Variants in ZNF652 observed in about 807,000 individuals in gnomAD.
ZNF652 encodes zinc finger protein 652.
In ZNF652, 16 loss-of-function variants were observed where a neutral mutation model predicts 45.2. The observed-to-expected ratio is 0.35, with a 90% CI of 0.24 to 0.54. ZNF652 has a LOEUF of 0.54. ZNF652 is among the 20% of genes least tolerant of loss of function. The probability of loss-of-function intolerance (pLI) is 0.91; values close to 1 mark genes in which losing one functional copy is unlikely to be tolerated. For missense variants in ZNF652, 614 were observed against 765.6 expected, an observed-to-expected ratio of 0.80 and a Z score of 2.34; for synonymous variants, 250 against 260.6, an observed-to-expected ratio of 0.96 and a Z score of 0.39.
chr17:49,331,900 C>T (rs1457973706), intron 1 of ZNF652, among the ~76,000 whole-genome samples: 9 of 152,092 alleles, frequency 5.9e-5, no homozygotes, highest in African/African-American at 1.7e-4. Flanking sequence ...ACCAGGGAGG[C>T]GGAGCTTGCA....
chr17:49,333,864 A>G (rs2070053242), intron 1 of ZNF652, among the ~76,000 whole-genome samples: 1 of 152,168 alleles, frequency 6.6e-6, no homozygotes, highest in Non-Finnish European at 1.5e-5. Context: ...GGCTATAATA[A>G]AAAATTGGAA....
chr17:49,316,928 A>T lies in ZNF652; in HGVS notation c.798T>A (p.Val266=). Residue 266 remains valine (V), a synonymous_variant, in exon 2 of 6, where the codon GTT becomes GTA. Coordinates refer to ENST00000430262, the MANE Select transcript of ZNF652 (RefSeq NM_001145365.3). ...CACAAATCTGCATGCGCCTATGAGT[A>T]ACGTTCATGTGCTTCTCCAGGTACC... ...TRWYLEKHMN[V]THRRMQICDK... is the part of the protein sequence containing the mutation. 6.2e-7 allele frequency: 1 copy of T among 1,614,200 alleles called. No individual in the cohort carries two copies. The highest frequency in any genetic ancestry group is 8.5e-7 in the Non-Finnish European group (1 of 1,180,038).
At chr17:49,314,440 G>T (rs975835338) in intron 2 of ZNF652, among the ~76,000 whole-genome samples, 1 of 152,220 alleles carries the variant, frequency 6.6e-6, no homozygotes, top group Middle Eastern at 3.4e-3. Flanking sequence ...GATTACAGGT[G>T]TGAGCTACTG....
At chr17:49,339,795 C>T (rs1227647667) in intron 1 of ZNF652, among the ~76,000 whole-genome samples, 7 of 152,212 alleles carry the variant, frequency 4.6e-5, no homozygotes, top group African/African-American at 1.7e-4. Context: ...TTGTTCCTGC[C>T]ACACGACCAA....
At chr17:49,354,047 A>T (rs974593883) in intron 1 of ZNF652, among the ~76,000 whole-genome samples, 1 of 152,240 alleles carries the variant, frequency 6.6e-6, no homozygotes, top group African/African-American at 2.4e-5. Context: ...ATAATACCTG[A>T]CAAATTATAA....
Position 49,317,583 on chromosome 17 carries a change from G to C in ZNF652, c.143C>G (p.Thr48Ser), listed in dbSNP as rs945099268. 19 of 1,613,984 alleles carry C rather than the reference G, an allele frequency of 1.2e-5. No homozygotes were observed. Among genetic ancestry groups the C allele is most frequent in the African/African-American group, 4.0e-5 (3 of 74,884 alleles). ...TCCTGATTCCCTTTTGTACACTTTGGTGGACAGGTCAAGTTCTTGGTTGGC... is the reference window on the plus strand; with the variant it reads ...TCCTGATTCCCTTTTGTACACTTTGCTGGACAGGTCAAGTTCTTGGTTGGC... ...HGANQELDLS[T>S]KVYKRESGSP... Residue 48 changes from threonine to serine, a missense_variant, in exon 2 of 6, where the codon ACC becomes AGC. Coordinates refer to ENST00000430262, the MANE Select transcript of ZNF652 (RefSeq NM_001145365.3).
chr17:49,343,827 C>T (rs576536441), intron 1 of ZNF652, among the ~76,000 whole-genome samples: 37 of 151,862 alleles, frequency 2.4e-4, no homozygotes, highest in Middle Eastern at 3.4e-3. Context: ...GGCCAAAGTG[C>T]GAGGATTGCT....
In ZNF652 at chr17:49,317,115, G is replaced by C. The variant is rs200216032; in HGVS notation, c.611C>G (p.Ser204Cys). 1.2e-6 allele frequency: 2 copies of C among 1,613,990 alleles called. No individual in the cohort carries two copies. Among genetic ancestry groups the C allele is most frequent in the African/African-American group, 1.3e-5 (1 of 74,890 alleles). The change falls in exon 2 of 6, where the codon TCC becomes TGC. Residue 204 changes from serine (S) to cysteine (C), a missense_variant. Around this residue, in one of 5 missense-constraint regions of ZNF652, gnomAD observed 262 missense variants for 306.3 expected, o/e 0.86. Transcript: ENST00000430262. ...ACCTCTTGTAGTTCTGGGAGTAGGG[G>C]AAGTGGTAGCTGCGGCAACAGAGGC... is the stretch of plus-strand genomic sequence containing the variant. Reference protein sequence around the residue: ...RAASVAAATTSPTPRTTRGRR... With the variant: ...RAASVAAATTCPTPRTTRGRR...
At chr17:49,342,687 C>A (rs1000842547) in intron 1 of ZNF652, among the ~76,000 whole-genome samples, 1 of 151,650 alleles carries the variant, frequency 6.6e-6, no homozygotes, top group Non-Finnish European at 1.5e-5. Context: ...TACTGGTGAC[C>A]ACACGAAAAT....
In ZNF652 at chr17:49,311,415, G is replaced by A; in HGVS notation, c.1206C>T (p.Ser402=). The change falls in exon 5 of 6, where the codon TCC becomes TCT. Residue 402 remains serine, a synonymous_variant. Coordinates refer to ENST00000430262, the MANE Select transcript of ZNF652 (RefSeq NM_001145365.3). ...TGTGCCCAATATGAATGCTCATGTG[G>A]GAGCGTAGCTGGTACTTGTACTGAA... ...ERFQYKYQLR[S]HMSIHIGHKQ... 6.2e-7 allele frequency: 1 copy of A among 1,614,120 alleles called. No individual in the cohort carries two copies.
chr17:49,318,357 T>G (rs1345964234), intron 1 of ZNF652, among the ~76,000 whole-genome samples: 1 of 152,222 alleles, frequency 6.6e-6, no homozygotes, highest in Non-Finnish European at 1.5e-5. Flanking sequence ...ATTACAAGCA[T>G]GAGCCACCAC....
intron 1 of ZNF652, among the ~76,000 whole-genome samples, chr17:49,358,306 G>C (rs1017138357): frequency 6.6e-6 from 1 of 152,108 alleles, no homozygotes; most frequent in East Asian, 1.9e-4. Context: ...CACCTCTATC[G>C]AAGTAAATTC....
chr17:49,320,389 A>C (rs1159596482), intron 1 of ZNF652, among the ~76,000 whole-genome samples: 2 of 152,208 alleles, frequency 1.3e-5, no homozygotes, highest in Non-Finnish European at 2.9e-5. Flanking sequence ...TGTATTTATA[A>C]ATGGTAAAAT....
intron 1 of ZNF652, among the ~76,000 whole-genome samples, chr17:49,351,014 T>TACACACACACAC (rs370792940): frequency 3.4e-5 from 1 of 29,734 alleles, no homozygotes; most frequent in East Asian, 8.1e-4. Context: ...TATATATATA[T>TACACACACACAC]ACACACACAC....
chr17:49,316,867 G>C lies in ZNF652; in HGVS notation c.859C>G (p.Leu287Val). The change falls in exon 2 of 6, where the codon CTG becomes GTG. Residue 287 changes from leucine (L) to valine (V), a missense_variant. By Grantham distance (32) the Leu-to-Val change is conservative. Around this residue, in one of 5 missense-constraint regions of ZNF652, gnomAD observed 262 missense variants for 306.3 expected, o/e 0.86. Transcript: ENST00000430262. ...CAGTCTGTTTGCTGGTGAAGGGACA[G>C]CTCACTTTCCAGGACAAACTTCTTG... ...CGKKFVLESE[L>V]SLHQQTDCEK... is the part of the protein sequence containing the mutation. 6.2e-7 allele frequency: 1 copy of C among 1,614,022 alleles called. No homozygotes were observed.
At chr17:49,336,724 T>C (rs903235115) in intron 1 of ZNF652, among the ~76,000 whole-genome samples, 2 of 151,696 alleles carry the variant, frequency 1.3e-5, no homozygotes, top group Admixed American at 6.6e-5. Flanking sequence ...CCTACCAAGT[T>C]CAAGTGATTC....
intron 1 of ZNF652, among the ~76,000 whole-genome samples, chr17:49,326,058 T>G (rs2069952526): frequency 6.6e-6 from 1 of 151,878 alleles, no homozygotes; most frequent in Non-Finnish European, 1.5e-5. Flanking sequence ...AGCAGAAACA[T>G]CTGTACTCAA....
At chr17:49,306,518 C>T (rs1296392030) in intron 5 of ZNF652, among the ~76,000 whole-genome samples, 4 of 152,056 alleles carry the variant, frequency 2.6e-5, no homozygotes, top group African/African-American at 4.8e-5. Flanking sequence ...TGGTCTTGAA[C>T]TCAAGTGATC....
chr17:49,336,314 T>C (rs1340695606), intron 1 of ZNF652, among the ~76,000 whole-genome samples: 3 of 139,180 alleles, frequency 2.2e-5, no homozygotes, highest in African/African-American at 5.4e-5. Flanking sequence ...TGAGCTGCCA[T>C]GCCCAGCCCT....
Sources: gnomAD v4.1 joint callset for allele counts (sites outside exome capture counted in the v4.1 genomes callset) on GRCh38, gnomAD v4.1.1 for gene constraint, gnomAD v4.1.1 regional missense constraint, MANE v1.5 for transcripts, NCBI Gene and HGNC (gene_info 2026-07-23, HGNC 2026-07-21) for gene names.